The following TTC22 variants were observed in gnomAD, a reference collection of about 807,000 sequenced individuals.
TTC22 encodes the protein tetratricopeptide repeat domain 22.
TTC22 carries 42 observed loss-of-function variants against 48.2 expected under a neutral mutation model. The observed-to-expected ratio is 0.87, with a 90% CI of 0.68 to 1.13. The LOEUF (loss-of-function observed/expected upper bound fraction) is 1.13. Among genes scored for constraint, TTC22 ranks in the 50% most tolerant of loss-of-function variants. TTC22 has a pLI of 0.00. For missense variants in TTC22, 784 were observed against 807.0 expected, an observed-to-expected ratio of 0.97 and a Z score of 0.34; for synonymous variants, 345 against 365.5, an observed-to-expected ratio of 0.94 and a Z score of 0.64.
chr1:54,780,852 A>G lies in TTC22; in HGVS notation c.*391T>C, dbSNP rs1646256235. On this transcript the variant is annotated 3_prime_UTR_variant, in exon 7 of 7. Transcript: ENST00000371276. ...GATAGAGTGTGGCCTACCGGAGTCC[A>G]AAGACAGGCACTCAGGCCTGAGGGA... is the stretch of plus-strand genomic sequence containing the variant. The G allele has an allele frequency of 6.0e-6, 1 of 166,634 alleles. No individual in the cohort carries two copies. The highest frequency in any genetic ancestry group is 1.3e-5 in the Non-Finnish European group (1 of 77,962). The allele number at this position is 166,634 out of a possible 1,614,324, so 10.3% of individuals were successfully genotyped here. A position where few individuals can be genotyped will look rare whatever the true frequency, so the allele number is the denominator to read the frequency against.
chr1:54,790,144 G>A (rs1348364912), intron 1 of TTC22, among the ~76,000 whole-genome samples: 1 of 152,192 alleles, frequency 6.6e-6, no homozygotes, highest in Non-Finnish European at 1.5e-5. Flanking sequence ...GGAAGGTGAG[G>A]CAGGAGAATC....
rs1646253671 is a variant in TTC22 at position 54,780,503 on chromosome 1, AAAAGG to A, written c.*735_*739del. On this transcript the variant is annotated 3_prime_UTR_variant, in exon 7 of 7. Coordinates refer to ENST00000371276, the MANE Select transcript of TTC22 (RefSeq NM_001114108.2). Reference sequence around the variant, plus strand: ...AACTCCCTCTCAAAAAAAAAAAAAAAAAAGGGGGGGGGCAGGTGGCACCTCCTAAT... The same window carrying A: ...AACTCCCTCTCAAAAAAAAAAAAAAAGGGGGGGCAGGTGGCACCTCCTAAT... The A allele has an allele frequency of 6.8e-6, 1 of 146,320 alleles. No individual in the cohort carries two copies. The highest frequency in any genetic ancestry group is 2.5e-5 in the African/African-American group (1 of 40,578). 9.1% of individuals were successfully genotyped at this position (146,320 alleles called of 1,614,324 possible).
chr1:54,790,176 A>G (rs972066756), intron 1 of TTC22, among the ~76,000 whole-genome samples: 1 of 152,218 alleles, frequency 6.6e-6, no homozygotes, highest in Non-Finnish European at 1.5e-5. Context: ...GCAGCAGTCC[A>G]AGACCAGCCT....
chr1:54,798,419 C>T (rs1260105169), intron 1 of TTC22, among the ~76,000 whole-genome samples: 2 of 152,226 alleles, frequency 1.3e-5, no homozygotes, highest in African/African-American at 4.8e-5. Flanking sequence ...TTGATACCAA[C>T]CTTTGGTCCC....
At chr1:54,782,141 C>T (rs1231126862) in intron 6 of TTC22, among the ~76,000 whole-genome samples, 184 bp downstream of exon 6, 1 of 152,194 alleles carries the variant, frequency 6.6e-6, no homozygotes, top group African/African-American at 2.4e-5. Flanking sequence ...TTAGGAAGAG[C>T]CAAGCCTTAT....
rs1308298936 is a variant in TTC22 at position 54,781,794 on chromosome 1, G to A, written c.1174-15C>T. 5 of 1,404,728 alleles carry A rather than the reference G, an allele frequency of 3.6e-6. No individual in the cohort carries two copies. The East Asian group carries it at 1.5e-4, about 41-fold the overall frequency. The allele number at this position is 1,404,728 out of a possible 1,614,324, so 87.0% of individuals were successfully genotyped here. ...TAGTAGTAGACCTGGGGTCGGGGAC[G>A]CGGGGTGAGCCCTTCACCGCAGGCG... On this transcript the variant is annotated splice_polypyrimidine_tract_variant and intron_variant, in intron 6 of 6. Transcript: ENST00000371276.
intron 5 of TTC22, 84 bp from the exon 6 acceptor site, chr1:54,782,561 T>C: frequency 7.4e-7 from 1 of 1,353,700 alleles, no homozygotes; most frequent in Non-Finnish European, 9.9e-7. Context: ...CCCAGTCTTT[T>C]TTTCAACAGC....
At chr1:54,794,976 C>T (rs1051791021) in intron 1 of TTC22, 1 of 152,404 alleles carries the variant, frequency 6.6e-6, no homozygotes, top group African/African-American at 2.4e-5. Context: ...AGCCTTTCTG[C>T]TCCTGCACAC....
chr1:54,801,056 G>A lies in TTC22; in HGVS notation c.108C>T (p.Arg36=), dbSNP rs1646433673. The A allele has an allele frequency of 6.2e-7, 1 of 1,612,292 alleles. No individual in the cohort carries two copies. The highest frequency in any genetic ancestry group is 1.3e-5 in the African/African-American group (1 of 74,974). ...HLEMQLNFEP[R]SPAPQRARDL... ...CCCGGGCGCGCTGTGGGGCCGGCGA[G>A]CGCGGCTCGAAGTTCAACTGCATCT... The change falls in exon 1 of 7, where the codon CGC becomes CGT. Residue 36 remains arginine (R), a synonymous_variant. Coordinates refer to ENST00000371276, the MANE Select transcript of TTC22 (RefSeq NM_001114108.2).
intron 1 of TTC22, among the ~76,000 whole-genome samples, chr1:54,790,214 C>T (rs573491749): frequency 6.6e-6 from 1 of 152,270 alleles, no homozygotes; most frequent in Non-Finnish European, 1.5e-5. Flanking sequence ...CCTGTCTACT[C>T]GAAAATCAAA....
chr1:54,799,117 A>G (rs1646413586), intron 1 of TTC22, among the ~76,000 whole-genome samples: 1 of 152,174 alleles, frequency 6.6e-6, no homozygotes, highest in Non-Finnish European at 1.5e-5. Flanking sequence ...TAGGGGGCTG[A>G]CCACAGCTGC....
chr1:54,785,891 G>T, intron 5 of TTC22, 92 bp downstream of exon 5: 6 of 1,275,458 alleles, frequency 4.7e-6, no homozygotes, highest in Non-Finnish European at 5.4e-6. Flanking sequence ...AGGACTCCCT[G>T]ACCCTTGGGC....
intron 2 of TTC22, 75 bp downstream of exon 2, chr1:54,787,967 C>T: frequency 1.3e-6 from 2 of 1,541,616 alleles, no homozygotes; most frequent in Non-Finnish European, 1.8e-6. Flanking sequence ...CACCTCTGCC[C>T]TTACCCTGCT....
At chr1:54,787,689 C>T (rs1309660807) in intron 3 of TTC22, 22 bp downstream of exon 3, 3 of 1,583,638 alleles carry the variant, frequency 1.9e-6, no homozygotes, top group Middle Eastern at 3.4e-4. Flanking sequence ...GCTGCTGTCC[C>T]ACCCATCCCC....
At chr1:54,785,395 A>G (rs1166154933) in intron 5 of TTC22, 3 of 285,768 alleles carry the variant, frequency 1.0e-5, no homozygotes, top group Non-Finnish European at 2.1e-5. Flanking sequence ...CGGAGAAGCC[A>G]GATTTCAACT....
intron 4 of TTC22, 167 bp from the exon 5 acceptor site, chr1:54,786,311 G>A (rs913191154): frequency 3.4e-5 from 21 of 612,956 alleles, no homozygotes; most frequent in Middle Eastern, 4.4e-4. Flanking sequence ...GTCACATCAC[G>A]AAGCCCCAAC....
At chr1:54,797,435 G>A (rs1646400798) in intron 1 of TTC22, among the ~76,000 whole-genome samples, 1 of 152,172 alleles carries the variant, frequency 6.6e-6, no homozygotes, top group Admixed American at 6.5e-5. Context: ...GATCACCTGA[G>A]GTCAGGAGTT....
At chr1:54,787,497 G>A (rs181795534) in intron 3 of TTC22, 7 of 596,310 alleles carry the variant, frequency 1.2e-5, no homozygotes, top group African/African-American at 7.4e-5. Context: ...AGCTGCAGAC[G>A]GGCAAGCCTG....
At chr1:54,798,570 G>T (rs1057378827) in intron 1 of TTC22, among the ~76,000 whole-genome samples, 1 of 152,200 alleles carries the variant, frequency 6.6e-6, no homozygotes, top group African/African-American at 2.4e-5. Flanking sequence ...CTCAGCCAGT[G>T]GTAGACACGT....
Sources: gnomAD v4.1 joint callset for allele counts (sites outside exome capture counted in the v4.1 genomes callset) on GRCh38, gnomAD v4.1.1 for gene constraint, MANE v1.5 for transcripts, NCBI Gene and HGNC (gene_info 2026-07-23, HGNC 2026-07-21) for gene names.